The following CSMD1 variants were observed in gnomAD, a reference collection of about 807,000 sequenced individuals.
The protein encoded by CSMD1 is CUB and Sushi multiple domains 1, also known as CUB and sushi domain-containing protein 1.
In CSMD1, 213 loss-of-function variants were observed where a neutral mutation model predicts 417.5. The ratio of observed to expected loss-of-function variants is 0.51; its 90% confidence interval spans 0.46 to 0.57. The LOEUF (loss-of-function observed/expected upper bound fraction) is 0.57. Among genes scored for constraint, CSMD1 ranks in the 20% least tolerant of loss-of-function variants. The probability of loss-of-function intolerance (pLI) is 0.00; values close to 1 mark genes in which losing one functional copy is unlikely to be tolerated. For synonymous variants in CSMD1, 2,862 were observed against 1,736.8 expected (o/e 1.65, Z -16.11); for missense variants, 6,923 against 4,529.7 (o/e 1.53, Z -15.17).
chr8:4,979,648 C>G (rs1194502462), intron 1 of CSMD1, among the ~76,000 whole-genome samples: 2 of 152,214 alleles, frequency 1.3e-5, no homozygotes, highest in African/African-American at 2.4e-5. Flanking sequence ...GCAGTCCTCA[C>G]AAAATATGTT....
intron 1 of CSMD1, among the ~76,000 whole-genome samples, chr8:4,832,188 C>A (rs7014145): frequency 2.0e-5 from 3 of 152,052 alleles, no homozygotes; most frequent in African/African-American, 4.8e-5. Context: ...ATGCATGGAA[C>A]GCCCTGAGTG....
chr8:4,097,313 CTTATT>C (rs1801066628), intron 3 of CSMD1, among the ~76,000 whole-genome samples: 3 of 152,268 alleles, frequency 2.0e-5, no homozygotes, highest in South Asian at 4.1e-4. Flanking sequence ...TACTGAAACA[CTTATT>C]TTAATTTGCC....
At chr8:4,396,597 G>A (rs748138688) in intron 3 of CSMD1, among the ~76,000 whole-genome samples, 2 of 151,382 alleles carry the variant, frequency 1.3e-5, no homozygotes, top group African/African-American at 2.4e-5. Context: ...CAAGCAATGA[G>A]TGCATAAGGA....
chr8:3,431,430 G>A (rs1165436841), intron 12 of CSMD1, among the ~76,000 whole-genome samples: 2 of 151,960 alleles, frequency 1.3e-5, no homozygotes, highest in African/African-American at 4.8e-5. Flanking sequence ...GTCTTTTCCC[G>A]GAAGTCAGCA....
intron 26 of CSMD1, among the ~76,000 whole-genome samples, chr8:3,246,891 C>G (rs982193054): frequency 6.6e-6 from 1 of 152,170 alleles, no homozygotes; most frequent in Non-Finnish European, 1.5e-5. Flanking sequence ...AATTAGAGTT[C>G]CAATTCTTTC....
chr8:4,293,356 A>T (rs977998601), intron 3 of CSMD1, among the ~76,000 whole-genome samples: 1 of 152,242 alleles, frequency 6.6e-6, no homozygotes, highest in Non-Finnish European at 1.5e-5. Context: ...ATATCTTACT[A>T]GTAAGTCCAA....
intron 1 of CSMD1, among the ~76,000 whole-genome samples, chr8:4,744,552 C>T (rs147478124): frequency 2.0e-5 from 3 of 152,146 alleles, no homozygotes; most frequent in Admixed American, 6.5e-5. Context: ...AGAGTAGCTA[C>T]CTCAATGATT....
chr8:4,045,695 AG>A (rs1798114449), intron 3 of CSMD1, among the ~76,000 whole-genome samples: 1 of 152,220 alleles, frequency 6.6e-6, no homozygotes, highest in East Asian at 1.9e-4. Context: ...TAAGAGTCAA[AG>A]CAGTAACCAT....
At chr8:4,238,774 G>C (rs1306407584) in intron 3 of CSMD1, among the ~76,000 whole-genome samples, 3 of 152,094 alleles carry the variant, frequency 2.0e-5, no homozygotes, top group African/African-American at 4.8e-5. Flanking sequence ...ATTCCCAGTT[G>C]GGTAAAGAAG....
chr8:4,423,253 T>C (rs1163367645), intron 2 of CSMD1, among the ~76,000 whole-genome samples: 1 of 152,040 alleles, frequency 6.6e-6, no homozygotes, highest in South Asian at 2.1e-4. Context: ...ATGGGTCAGA[T>C]AGGAATAAAT....
chr8:2,969,691 G>C (rs1804271370), intron 57 of CSMD1, among the ~76,000 whole-genome samples: 1 of 152,120 alleles, frequency 6.6e-6, no homozygotes, highest in African/African-American at 2.4e-5. Flanking sequence ...GCAACCACTG[G>C]TTACATCCTT....
At chr8:4,797,810 C>A (rs907003189) in intron 1 of CSMD1, among the ~76,000 whole-genome samples, 8 of 152,068 alleles carry the variant, frequency 5.3e-5, no homozygotes, top group African/African-American at 1.7e-4. Context: ...TACTTGTGCT[C>A]ATGTAACAAA....
chr8:4,184,951 A>C (rs564495984), intron 3 of CSMD1, among the ~76,000 whole-genome samples: 2 of 151,998 alleles, frequency 1.3e-5, no homozygotes, highest in African/African-American at 4.8e-5. Flanking sequence ...CAGCCTCCCC[A>C]ATGTGGTGAA....
intron 1 of CSMD1, among the ~76,000 whole-genome samples, chr8:4,660,463 G>C (rs1585408487): frequency 6.6e-6 from 1 of 151,908 alleles, no homozygotes; most frequent in African/African-American, 2.4e-5. Context: ...TTGACACACA[G>C]GTTTATTGCA....
intron 49 of CSMD1, among the ~76,000 whole-genome samples, chr8:3,057,175 C>T (rs1424725025): frequency 2.6e-5 from 4 of 152,080 alleles, no homozygotes; most frequent in Non-Finnish European, 5.9e-5. Flanking sequence ...AACACACACA[C>T]ACGTGGTAAA....
intron 1 of CSMD1, among the ~76,000 whole-genome samples, chr8:4,977,866 A>G (rs1466530381): frequency 6.6e-6 from 1 of 152,250 alleles, no homozygotes; most frequent in Non-Finnish European, 1.5e-5. Context: ...CAGTGGAAGA[A>G]GACCCATCAT....
intron 12 of CSMD1, among the ~76,000 whole-genome samples, chr8:3,419,183 A>C (rs756185011): frequency 2.0e-5 from 3 of 152,204 alleles, no homozygotes; most frequent in African/African-American, 4.8e-5. Flanking sequence ...TTTTTGCCTT[A>C]TCAAGTAACA....
At chr8:3,758,381 G>A (rs964063016) in intron 5 of CSMD1, among the ~76,000 whole-genome samples, 2 of 152,200 alleles carry the variant, frequency 1.3e-5, no homozygotes, top group Admixed American at 6.5e-5. Context: ...TTTTGTACAT[G>A]AATTTCCTGA....
chr8:3,829,871 C>G (rs745851584), intron 5 of CSMD1, among the ~76,000 whole-genome samples: 1 of 152,096 alleles, frequency 6.6e-6, no homozygotes, highest in Non-Finnish European at 1.5e-5. Context: ...TTAGAAAACA[C>G]TGTTATGTGA....
Sources: gnomAD v4.1 joint callset for allele counts (sites outside exome capture counted in the v4.1 genomes callset) on GRCh38, gnomAD v4.1.1 for gene constraint, MANE v1.5 for transcripts, NCBI Gene and HGNC (gene_info 2026-07-23, HGNC 2026-07-21) for gene names.